HNRNPD: variants seen among roughly 807,000 people sequenced by gnomAD.
HNRNPD encodes heterogeneous nuclear ribonucleoprotein D, also known as heterogeneous nuclear ribonucleoprotein D0.
Under a neutral mutation model 47.9 loss-of-function variants are expected in HNRNPD, and 3 were observed. The ratio of observed to expected loss-of-function variants is 0.06; its 90% confidence interval spans 0.03 to 0.16. The LOEUF is 0.16. HNRNPD is among the 10% of genes least tolerant of loss of function. The pLI, the probability that HNRNPD is intolerant of heterozygous loss-of-function variation, is 1.00. For synonymous variants in HNRNPD, 171 were observed against 165.1 expected (o/e 1.04, Z -0.28); for missense variants, 287 against 454.2 (o/e 0.63, Z 3.35).
intron 5 of HNRNPD, 26 bp from the exon 6 acceptor site, chr4:82,356,921 A>C: frequency 7.0e-6 from 11 of 1,564,042 alleles, no homozygotes; most frequent in Non-Finnish European, 9.7e-6. Context: ...TACATTATTA[A>C]ACTGACTCAA....
intron 1 of HNRNPD, among the ~76,000 whole-genome samples, chr4:82,372,870 T>C (rs962104238): frequency 5.3e-5 from 8 of 152,178 alleles, no homozygotes; most frequent in Admixed American, 4.6e-4. Flanking sequence ...GAGTAAATCC[T>C]TAGGCGAAAC....
chr4:82,355,628 G>A (rs1723683057), intron 7 of HNRNPD: 2 of 548,090 alleles, frequency 3.6e-6, no homozygotes, highest in Non-Finnish European at 6.4e-6. Flanking sequence ...GTATAAAATG[G>A]GAGACAATCC....
intron 2 of HNRNPD, among the ~76,000 whole-genome samples, chr4:82,368,995 T>C (rs1159045526): frequency 5.3e-5 from 8 of 152,198 alleles, no homozygotes; most frequent in Non-Finnish European, 1.2e-4. Context: ...TGCTGGACTT[T>C]GGCTAAGTGA....
At position 82,373,945 on chromosome 4, in the gene HNRNPD, C is replaced by G; in HGVS notation, c.-267G>C. 2 of 767,842 alleles carry G rather than the reference C, an allele frequency of 2.6e-6. No individual in the cohort carries two copies. The highest frequency in any genetic ancestry group is 4.3e-5 in the South Asian group (2 of 46,586). 47.6% of individuals were successfully genotyped at this position (767,842 alleles called of 1,614,324 possible). ...GCACCAGCGGCGGCCGCTCTCGCCT[C>G]CTCCTCGCTTTAATGGCGCCGCCGC... On this transcript the variant is annotated 5_prime_UTR_variant, in exon 1 of 9. Coordinates refer to ENST00000313899, the MANE Select transcript of HNRNPD (RefSeq NM_031370.3).
intron 3 of HNRNPD, 106 bp from the exon 4 acceptor site, chr4:82,358,926 TG>T: frequency 4.8e-6 from 4 of 826,276 alleles, no homozygotes; most frequent in Non-Finnish European, 7.4e-6. Flanking sequence ...GCCAAGCATA[TG>T]TTGACTTGCT....
At chr4:82,373,414 G>T (rs1323435842) in intron 1 of HNRNPD, 32 bp downstream of exon 1, 3 of 1,555,420 alleles carry the variant, frequency 1.9e-6, no homozygotes, top group Non-Finnish European at 2.6e-6. Flanking sequence ...GGACTAGTTG[G>T]GCCTGACTAT....
intron 1 of HNRNPD, 41 bp downstream of exon 1, chr4:82,373,405 G>T (rs745492160): frequency 1.3e-6 from 2 of 1,535,080 alleles, no homozygotes; most frequent in Non-Finnish European, 1.8e-6. Flanking sequence ...GGGGGAGGGG[G>T]ACTAGTTGGG....
chr4:82,358,309 C>T, intron 4 of HNRNPD: 1 of 182,312 alleles, frequency 5.5e-6, no homozygotes, highest in Non-Finnish European at 1.1e-5. Flanking sequence ...TGCATTTCAA[C>T]TGATAAGGCA....
In HNRNPD at chr4:82,373,804, G is replaced by A. The variant is rs560812185; in HGVS notation, c.-126C>T. On this transcript the variant is annotated 5_prime_UTR_variant, in exon 1 of 9. Transcript: ENST00000313899. ...TACCTCGCGAAGCACACAAGACAGG[G>A]AAGGCGCGCGCGTGGCTGCAAAGGC... 2.9e-4 allele frequency: 443 copies of A among 1,503,100 alleles called. No individual in the cohort carries two copies. The African/African-American group carries it at 4.3e-3, about 15-fold the overall frequency. 93.1% of individuals were successfully genotyped at this position (1,503,100 alleles called of 1,614,324 possible). A position where few individuals can be genotyped will look rare whatever the true frequency, so the allele number is the denominator to read the frequency against.
At chr4:82,371,439 G>T in intron 2 of HNRNPD, 89 bp downstream of exon 2, 2 of 990,964 alleles carry the variant, frequency 2.0e-6, no homozygotes, top group Non-Finnish European at 3.1e-6. Context: ...ATTTCCTGGG[G>T]ATCAATGGGC....
intron 2 of HNRNPD, among the ~76,000 whole-genome samples, chr4:82,362,052 C>T (rs1719478458): frequency 6.6e-6 from 1 of 152,166 alleles, no homozygotes; most frequent in Non-Finnish European, 1.5e-5. Flanking sequence ...TTGTTTTTAA[C>T]CTTCAATCAT....
rs756229091 is a variant in HNRNPD at position 82,371,515 on chromosome 4, T to G, written c.290+13A>C. 4 of 1,603,260 alleles carry G rather than the reference T, an allele frequency of 2.5e-6. No homozygotes were observed. The highest frequency in any genetic ancestry group is 1.3e-5 in the African/African-American group (1 of 74,242). ...AACCTTTATAATACAGAAATAAAAT[T>G]TAAAAGTTTTACCATTCTTCCCGCT... On this transcript the variant is annotated intron_variant, in intron 2 of 8. Coordinates refer to ENST00000313899, the MANE Select transcript of HNRNPD (RefSeq NM_031370.3).
rs1723586490 is a variant in HNRNPD, at chr4:82,353,384, C to G, written c.*801G>C. The G allele has an allele frequency of 1.3e-5, 2 of 152,186 alleles. No homozygotes were observed. Among genetic ancestry groups the G allele is most frequent in the African/African-American group, 2.4e-5 (1 of 41,446 alleles). 9.4% of individuals were successfully genotyped at this position (152,186 alleles called of 1,614,324 possible). A position where few individuals can be genotyped will look rare whatever the true frequency, so the allele number is the denominator to read the frequency against. ...CAACACTTGAATTCATCTATGAAGT[C>G]CACCACAGCTCTAAAAATCTCTCTG... On this transcript the variant is annotated 3_prime_UTR_variant, in exon 9 of 9. Transcript: ENST00000313899.
At chr4:82,355,250 G>C (rs1723667155) in intron 8 of HNRNPD, 54 bp downstream of exon 8, 1 of 946,336 alleles carries the variant, frequency 1.1e-6, no homozygotes, top group Admixed American at 2.0e-5. Context: ...GAACAATATA[G>C]ATTATAAAAA....
intron 1 of HNRNPD, 63 bp downstream of exon 1, chr4:82,373,383 G>A (rs1578061160): frequency 5.9e-6 from 9 of 1,514,754 alleles, no homozygotes; most frequent in South Asian, 1.3e-5. Context: ...CCTAATGGCG[G>A]GGGAATAAAG....
chr4:82,367,728 C>T (rs1719836394), intron 2 of HNRNPD, among the ~76,000 whole-genome samples: 1 of 152,142 alleles, frequency 6.6e-6, no homozygotes. Context: ...CCTCCCCACC[C>T]CCAAATATTC....
intron 5 of HNRNPD, 152 bp from the exon 6 acceptor site, chr4:82,357,047 A>G: frequency 1.4e-6 from 1 of 725,044 alleles, no homozygotes; most frequent in Non-Finnish European, 2.3e-6. Flanking sequence ...AATATTTAGT[A>G]CTTAAGAGTA....
chr4:82,372,993 G>T (rs1578060432), intron 1 of HNRNPD: 2 of 368,886 alleles, frequency 5.4e-6, no homozygotes, highest in Middle Eastern at 3.8e-4. Flanking sequence ...ATCGTTTCAG[G>T]ATGGTGGAGA....
rs779695029 is a variant in HNRNPD, at chr4:82,359,500, G to A, written c.430C>T (p.Leu144=). The change falls in exon 3 of 9, where the codon CTA becomes TTA. Residue 144 remains leucine (L), a synonymous_variant. Transcript: ENST00000313899. The part of the protein sequence containing the change: ...TGRSRGFGFV[L]FKESESVDKV... ...TCTACACTCTCCGATTCTTTAAATA[G>A]CACAAAGCCAAAACCCCTTGATCGC... 2.5e-6 allele frequency: 4 copies of A among 1,592,392 alleles called. No individual in the cohort carries two copies. The highest frequency in any genetic ancestry group is 2.2e-5 in the East Asian group (1 of 44,572).
Sources: allele counts gnomAD v4.1 joint callset (sites outside exome capture counted in the v4.1 genomes callset), GRCh38; gene constraint gnomAD v4.1.1; transcripts MANE v1.5; gene names NCBI Gene and HGNC (gene_info 2026-07-23, HGNC 2026-07-21).